The following NR2C1 variants were observed in gnomAD, a reference collection of about 807,000 sequenced individuals.
NR2C1 encodes the protein nuclear receptor subfamily 2 group C member 1, also known as TR2 nuclear hormone receptor.
NR2C1 carries 33 observed loss-of-function variants against 74.8 expected under a neutral mutation model. The ratio of observed to expected loss-of-function variants is 0.44; its 90% CI spans 0.33 to 0.59. NR2C1 has a LOEUF of 0.59. NR2C1 is among the 20% of genes least tolerant of loss of function. The probability of loss-of-function intolerance (pLI) is 0.02; values close to 1 mark genes in which losing one functional copy is unlikely to be tolerated. For missense variants in NR2C1, 568 were observed against 715.6 expected, an observed-to-expected ratio of 0.79 and a Z score of 2.35; for synonymous variants, 225 against 240.6, an observed-to-expected ratio of 0.94 and a Z score of 0.60.
At chr12:95,050,886 C>T (rs1045949832) in intron 8 of NR2C1, among the ~76,000 whole-genome samples, 1 of 151,996 alleles carries the variant, frequency 6.6e-6, no homozygotes, top group African/African-American at 2.4e-5. Context: ...TTAAACTAAA[C>T]CTTTTACATT....
At chr12:95,042,902 G>GA (rs1871757652) in intron 9 of NR2C1, among the ~76,000 whole-genome samples, 1 of 142,130 alleles carries the variant, frequency 7.0e-6, no homozygotes, top group Non-Finnish European at 1.5e-5. Flanking sequence ...TTCAAGACCG[G>GA]CCTGGGCAAC....
chr12:95,030,809 A>G, intron 11 of NR2C1: 1 of 1,613,572 alleles, frequency 6.2e-7, no homozygotes, highest in African/African-American at 1.3e-5. Context: ...TTCTATAGTT[A>G]AGCATTTATA....
At chr12:95,026,485 C>T (rs1265283919) in intron 12 of NR2C1, among the ~76,000 whole-genome samples, 2 of 152,078 alleles carry the variant, frequency 1.3e-5, no homozygotes, top group Non-Finnish European at 2.9e-5. Context: ...AAGCTCTGTT[C>T]TCATGGATGA....
intron 2 of NR2C1, among the ~76,000 whole-genome samples, chr12:95,063,196 A>C (rs961421037): frequency 2.0e-5 from 3 of 152,252 alleles, no homozygotes; most frequent in African/African-American, 7.2e-5. Flanking sequence ...GAGGGCAATG[A>C]GGGAAGCTCA....
chr12:95,037,526 A>G (rs1870991353), intron 10 of NR2C1, among the ~76,000 whole-genome samples: 1 of 152,240 alleles, frequency 6.6e-6, no homozygotes, highest in Non-Finnish European at 1.5e-5. Flanking sequence ...TTGATTTCAG[A>G]AAATGATTAA....
At chr12:95,040,936 T>G (rs182226475) in intron 9 of NR2C1, among the ~76,000 whole-genome samples, 6 of 152,296 alleles carry the variant, frequency 3.9e-5, no homozygotes, top group Non-Finnish European at 7.3e-5. Context: ...AAATTCAGTT[T>G]AAGGAGAAAT....
Position 95,022,291 on chromosome 12 carries a change from G to T in NR2C1, c.1750C>A (p.Pro584Thr). The change falls in exon 14 of 14, where the codon CCA becomes ACA. Residue 584 changes from proline to threonine, a missense_variant. Pro to Thr is a conservative substitution (Grantham distance 38, BLOSUM62 -1). Transcript: ENST00000333003. ...GCAGGCTCCATTTTCAAAATATGTG[G>T]GATAACACTGTCAATTCGTATATTG... ...IGNIRIDSVI[P>T]HILKMEPADY... 1.9e-6 allele frequency: 3 copies of T among 1,612,892 alleles called. No homozygotes were observed. The highest frequency in any genetic ancestry group is 1.7e-6 in the Non-Finnish European group (2 of 1,179,604).
intron 2 of NR2C1, among the ~76,000 whole-genome samples, chr12:95,064,666 A>G (rs1875385637): frequency 6.6e-6 from 1 of 152,192 alleles, no homozygotes; most frequent in Admixed American, 6.5e-5. Context: ...GAACAAGTTC[A>G]TGAATACACA....
chr12:95,041,266 T>C (rs886546084), intron 9 of NR2C1, among the ~76,000 whole-genome samples: 1 of 152,092 alleles, frequency 6.6e-6, no homozygotes, highest in Admixed American at 6.6e-5. Context: ...GACAGGTGGA[T>C]CACGATGTCG....
At chr12:95,059,464 T>C (rs1874416111) in intron 4 of NR2C1, among the ~76,000 whole-genome samples, 2 of 152,026 alleles carry the variant, frequency 1.3e-5, no homozygotes. Context: ...CCCAGCACTT[T>C]GGGAGGCCAA....
intron 11 of NR2C1, among the ~76,000 whole-genome samples, chr12:95,029,923 T>C (rs1399441544): frequency 6.6e-6 from 1 of 151,868 alleles, no homozygotes; most frequent in Non-Finnish European, 1.5e-5. Flanking sequence ...AGCTAGGGTG[T>C]AGTGGTGCCA....
At chr12:95,064,437 C>T (rs942397377) in intron 2 of NR2C1, among the ~76,000 whole-genome samples, 38 of 151,826 alleles carry the variant, frequency 2.5e-4, no homozygotes, top group Non-Finnish European at 5.0e-4. Context: ...GAAATACTGA[C>T]CAGGAACAGG....
intron 7 of NR2C1, among the ~76,000 whole-genome samples, chr12:95,054,454 G>T (rs574119058): frequency 1.3e-5 from 2 of 152,020 alleles, no homozygotes; most frequent in African/African-American, 4.8e-5. Flanking sequence ...CTACAGGCAT[G>T]TACCACCATG....
In NR2C1 at chr12:95,068,217, CCT is replaced by C. The variant is rs761524157; in HGVS notation, c.-7-828_-7-827del. Among the ~76,000 whole-genome samples, 17 of 152,258 alleles carry C rather than the reference CCT, an allele frequency of 1.1e-4. No homozygotes were observed. In the East Asian group the frequency reaches 1.5e-3, roughly 14 times the overall value. On this transcript the variant is annotated intron_variant, in intron 1 of 13. Coordinates refer to ENST00000333003, the MANE Select transcript of NR2C1 (RefSeq NM_003297.4). ...ATCTTTATATGTTTATACGGTCTTC[CCT>C]CTGAGTGTCTGTGTCCTCTTCATAG...
intron 10 of NR2C1, among the ~76,000 whole-genome samples, chr12:95,033,577 C>T (rs1870428170): frequency 6.6e-6 from 1 of 152,128 alleles, no homozygotes; most frequent in Non-Finnish European, 1.5e-5. Flanking sequence ...AAATGCTATC[C>T]TATTGTCTTG....
In NR2C1 at chr12:95,062,574, A is replaced by T; in HGVS notation, c.219T>A (p.Thr73=). The change falls in exon 3 of 14, where the codon ACT becomes ACA. Residue 73 remains threonine (T), a synonymous_variant. Coordinates refer to ENST00000333003, the MANE Select transcript of NR2C1 (RefSeq NM_003297.4). ...DSTPGKVFLT[T]PDAAGVNQLF... ...ACTGGTTGACACCTGCTGCATCTGG[A>T]GTTGTAAGGAAAACTTTTCCCGGAG... The T allele has an allele frequency of 6.2e-7, 1 of 1,613,922 alleles. No individual in the cohort carries two copies. Among genetic ancestry groups the T allele is most frequent in the Middle Eastern group, 1.6e-4 (1 of 6,062 alleles).
chr12:95,059,572 C>A (rs149876061), intron 4 of NR2C1, among the ~76,000 whole-genome samples: 1 of 151,338 alleles, frequency 6.6e-6, no homozygotes, highest in African/African-American at 2.4e-5. Flanking sequence ...ATTAGCCATG[C>A]GTGCTGGCAT....
At chr12:95,060,012 A>G (rs1030031275) in intron 3 of NR2C1, 28 bp from the exon 4 acceptor site, 5 of 1,508,504 alleles carry the variant, frequency 3.3e-6, no homozygotes, top group Non-Finnish European at 8.9e-7. Context: ...AAAAAAGAAA[A>G]CAAAAACGAA....
chr12:95,053,923 T>C (rs1485222499), intron 7 of NR2C1, among the ~76,000 whole-genome samples: 2 of 152,160 alleles, frequency 1.3e-5, no homozygotes, highest in African/African-American at 4.8e-5. Flanking sequence ...GACCTCGTGA[T>C]CTGCCCGCCT....
Sources: gnomAD v4.1 joint callset for allele counts (sites outside exome capture counted in the v4.1 genomes callset) on GRCh38, gnomAD v4.1.1 for gene constraint, MANE v1.5 for transcripts, NCBI Gene and HGNC (gene_info 2026-07-23, HGNC 2026-07-21) for gene names.